The following PLCB1 variants were observed in gnomAD, a reference collection of about 807,000 sequenced individuals.
The protein encoded by PLCB1 is phospholipase C beta 1.
In PLCB1, 46 loss-of-function variants were observed where a neutral mutation model predicts 161.8. The ratio of observed to expected loss-of-function variants is 0.28; its 90% CI spans 0.22 to 0.36. PLCB1 has a LOEUF of 0.36. Ranked by LOEUF, PLCB1 falls within the 10% of genes least tolerant of loss-of-function variation. The pLI is 1.00. For synonymous variants in PLCB1, 517 were observed against 503.7 expected (o/e 1.03, Z -0.35); for missense variants, 1,016 against 1,472.5 (o/e 0.69, Z 5.07).
intron 2 of PLCB1, among the ~76,000 whole-genome samples, chr20:8,168,406 G>A (rs1165500551): frequency 6.6e-6 from 1 of 152,140 alleles, no homozygotes; most frequent in African/African-American, 2.4e-5. Context: ...CTGGACAATT[G>A]TGTTAATTAT....
At chr20:8,144,811 T>C (rs890501473) in intron 1 of PLCB1, among the ~76,000 whole-genome samples, 4 of 152,170 alleles carry the variant, frequency 2.6e-5, no homozygotes, top group Non-Finnish European at 4.4e-5. Flanking sequence ...GCAATCCCTG[T>C]GGAACATCGC....
intron 3 of PLCB1, among the ~76,000 whole-genome samples, chr20:8,574,900 C>T (rs1468177567): frequency 3.3e-5 from 5 of 149,674 alleles, no homozygotes; most frequent in African/African-American, 1.3e-4. Context: ...AGTTAGAAGT[C>T]GAGTCCAAAT....
At chr20:8,770,842 A>G (rs1982639807) in intron 26 of PLCB1, among the ~76,000 whole-genome samples, 1 of 152,206 alleles carries the variant, frequency 6.6e-6, no homozygotes, top group Admixed American at 6.5e-5. Context: ...AACCATTCCC[A>G]TCTTGACTTT....
chr20:8,594,602 G>A (rs1404507754), intron 3 of PLCB1, among the ~76,000 whole-genome samples: 3 of 151,664 alleles, frequency 2.0e-5, no homozygotes, highest in Non-Finnish European at 4.4e-5. Flanking sequence ...GCAAAGTTCT[G>A]AGAGCACTGT....
intron 31 of PLCB1, among the ~76,000 whole-genome samples, chr20:8,843,650 A>C (rs73895350): frequency 0.042 from 6,315 of 152,132 alleles, 207 homozygotes; most frequent in African/African-American, 0.086. Flanking sequence ...AAATATAAAT[A>C]ATGAGAAAGA....
chr20:8,811,416 A>T (rs1333761997), intron 31 of PLCB1, among the ~76,000 whole-genome samples: 1 of 152,196 alleles, frequency 6.6e-6, no homozygotes, highest in East Asian at 1.9e-4. Flanking sequence ...TTATCATGAA[A>T]CACTAAATCA....
At chr20:8,146,209 A>T (rs1439027932) in intron 1 of PLCB1, among the ~76,000 whole-genome samples, 4 of 152,150 alleles carry the variant, frequency 2.6e-5, no homozygotes, top group Non-Finnish European at 5.9e-5. Flanking sequence ...TTAGAAAAAT[A>T]AAAACCTAAA....
intron 2 of PLCB1, among the ~76,000 whole-genome samples, chr20:8,277,174 T>C (rs1262325515): frequency 6.6e-6 from 1 of 151,762 alleles, no homozygotes; most frequent in Non-Finnish European, 1.5e-5. Flanking sequence ...CTAAGTTTTG[T>C]ATTTTTAGTA....
chr20:8,719,252 G>T (rs1236799417), intron 14 of PLCB1, among the ~76,000 whole-genome samples: 1 of 152,130 alleles, frequency 6.6e-6, no homozygotes, highest in African/African-American at 2.4e-5. Flanking sequence ...CTACTTAGCA[G>T]TGTCTACAAA....
At chr20:8,722,266 A>C in intron 14 of PLCB1, 88 bp from the exon 15 acceptor site, 1 of 978,600 alleles carries the variant, frequency 1.0e-6, no homozygotes, top group Non-Finnish European at 1.5e-6. Context: ...GAAATCTGTA[A>C]TTGATTTTAG....
intron 3 of PLCB1, among the ~76,000 whole-genome samples, chr20:8,513,288 T>TA (rs1248608333): frequency 6.6e-6 from 1 of 152,204 alleles, no homozygotes; most frequent in Non-Finnish European, 1.5e-5. Flanking sequence ...AGAAATTCAC[T>TA]AAGCTATGCA....
chr20:8,325,862 G>T (rs563683369), intron 2 of PLCB1, among the ~76,000 whole-genome samples: 2 of 152,260 alleles, frequency 1.3e-5, no homozygotes, highest in South Asian at 4.1e-4. Flanking sequence ...AGGATGAAAG[G>T]CTTGACTTCA....
chr20:8,156,830 C>A (rs2123043122), intron 2 of PLCB1, among the ~76,000 whole-genome samples: 1 of 152,346 alleles, frequency 6.6e-6, no homozygotes, highest in Non-Finnish European at 1.5e-5. Context: ...ACACCTGCTA[C>A]TTTGTAAACT....
At chr20:8,484,396 C>A (rs1982635507) in intron 3 of PLCB1, among the ~76,000 whole-genome samples, 2 of 150,334 alleles carry the variant, frequency 1.3e-5, no homozygotes, top group South Asian at 4.2e-4. Flanking sequence ...GAGTCTCCCT[C>A]TGTCGTCCAG....
chr20:8,329,706 G>A (rs762803203), intron 2 of PLCB1, among the ~76,000 whole-genome samples: 55 of 152,128 alleles, frequency 3.6e-4, no homozygotes, highest in Non-Finnish European at 7.2e-4. Context: ...AAGCTTTTCA[G>A]CATTGCTCTC....
At chr20:8,329,433 G>A (rs570324094) in intron 2 of PLCB1, among the ~76,000 whole-genome samples, 2 of 151,540 alleles carry the variant, frequency 1.3e-5, no homozygotes, top group South Asian at 2.1e-4. Flanking sequence ...GATGACAGGC[G>A]TGAGCCACCA....
At chr20:8,679,037 T>C (rs1990154550) in intron 9 of PLCB1, among the ~76,000 whole-genome samples, 1 of 152,216 alleles carries the variant, frequency 6.6e-6, no homozygotes, top group Admixed American at 6.5e-5. Context: ...TTTAAGTTCT[T>C]GAAAGGCAAT....
At chr20:8,835,157 G>GTGGGAAGAGTAAAATTTC in intron 31 of PLCB1, among the ~76,000 whole-genome samples, 1 of 138,314 alleles carries the variant, frequency 7.2e-6, no homozygotes, top group Non-Finnish European at 1.6e-5. Flanking sequence ...TAAGGGATCT[G>GTGGGAAGAGTAAAATTTC]TGGGAAGAGT....
chr20:8,173,845 C>T (rs2051756576), intron 2 of PLCB1, among the ~76,000 whole-genome samples: 1 of 151,594 alleles, frequency 6.6e-6, no homozygotes. Flanking sequence ...ATACAATGGC[C>T]AAAATAAAAG....
Sources: allele counts gnomAD v4.1 joint callset (sites outside exome capture counted in the v4.1 genomes callset), GRCh38; gene constraint gnomAD v4.1.1; transcripts MANE v1.5; gene names NCBI Gene and HGNC (gene_info 2026-07-23, HGNC 2026-07-21).